The following MRM3 variants were observed in gnomAD, a reference collection of about 807,000 sequenced individuals.
MRM3 encodes the protein rRNA methyltransferase 3, mitochondrial.
In MRM3, 26 loss-of-function variants were observed where a neutral mutation model predicts 29.4. The observed-to-expected ratio is 0.89, with a 90% CI of 0.65 to 1.23. The LOEUF is 1.23. Among genes scored for constraint, MRM3 ranks in the 50% most tolerant of loss-of-function variants. MRM3 has a pLI of 0.00. For missense variants in MRM3, 578 were observed against 540.2 expected (o/e 1.07, Z -0.69); for synonymous variants, 225 against 219.0 (o/e 1.03, Z -0.24).
At chr17:790,356 A>G (rs1910732809) in intron 3 of MRM3, 2 of 155,096 alleles carry the variant, frequency 1.3e-5, no homozygotes, top group Admixed American at 6.5e-5. Context: ...TGATGAAACT[A>G]TAGATCTGAT....
intron 2 of MRM3, among the ~76,000 whole-genome samples, chr17:786,250 G>A (rs964923006): frequency 6.6e-6 from 1 of 152,144 alleles, no homozygotes; most frequent in Non-Finnish European, 1.5e-5. Context: ...ACAGGCATGC[G>A]CCACCATGCC....
rs773145335 is a variant in MRM3, at chr17:791,718, C to T, written c.912C>T (p.Asp304=). 6.2e-7 allele frequency: 1 copy of T among 1,614,054 alleles called. No individual in the cohort carries two copies. Among genetic ancestry groups the T allele is most frequent in the Non-Finnish European group, 8.5e-7 (1 of 1,180,052 alleles). ...AQAEMSNKAS[D]HGWVCDQRVM... ...CTGAGATGTCTAATAAAGCTAGTGA[C>T]CATGGCTGGGTGTGTGATCAACGAG... Residue 304 remains aspartate (D), a synonymous_variant, in exon 4 of 4, where the codon GAC becomes GAT. Coordinates refer to ENST00000304478, the MANE Select transcript of MRM3 (RefSeq NM_018146.4).
At chr17:784,068 T>A (rs989511777) in intron 2 of MRM3, among the ~76,000 whole-genome samples, 2 of 152,246 alleles carry the variant, frequency 1.3e-5, no homozygotes, top group African/African-American at 2.4e-5. Flanking sequence ...GAGAACCTTG[T>A]CTTCTAGTCT....
At chr17:782,820 G>T in intron 1 of MRM3, 128 bp downstream of exon 1, 2 of 1,014,834 alleles carry the variant, frequency 2.0e-6, no homozygotes, top group Non-Finnish European at 2.8e-6. Context: ...TGCACAGAGG[G>T]CCGAATAAGC....
chr17:792,052 G>T lies in MRM3; in HGVS notation c.1246G>T (p.Asp416Tyr), dbSNP rs1215652695. The T allele has an allele frequency of 1.2e-6, 2 of 1,604,982 alleles. No homozygotes were observed. Among genetic ancestry groups the T allele is most frequent in the African/African-American group, 1.3e-5 (1 of 74,814 alleles). Residue 416 changes from aspartate to tyrosine, a missense_variant, in exon 4 of 4, where the codon GAC (aspartate) becomes TAC (tyrosine). By Grantham distance (160) the Asp-to-Tyr change is radical. Transcript: ENST00000304478. ...GGGGAGGGCGGAGGACTTGAGCAGGGACAGGAGTTACCACTGAGGACGCAG... is the reference window on the plus strand; with the variant it reads ...GGGGAGGGCGGAGGACTTGAGCAGGTACAGGAGTTACCACTGAGGACGCAG... Reference protein sequence around the residue: ...LRGRAEDLSRDRSYH With the variant: ...LRGRAEDLSRYRSYH
At chr17:791,064 C>T (rs1038819183) in intron 3 of MRM3, among the ~76,000 whole-genome samples, 9 of 152,202 alleles carry the variant, frequency 5.9e-5, no homozygotes, top group African/African-American at 2.2e-4. Context: ...GCCACTCTCC[C>T]GCTTCCTCTC....
rs1408498823 is a variant in MRM3, at chr17:792,009, A to C, written c.1203A>C (p.Glu401Asp). Residue 401 changes from glutamate (E) to aspartate (D), a missense_variant, in exon 4 of 4, where the codon GAA becomes GAC. Physicochemically the swap from Glu to Asp is conservative, Grantham distance 45. Transcript: ENST00000304478. ...SAMAASILLF[E>D]GKRQLRGRAE... ...TGGCGGCAAGCATCCTGCTTTTCGA[A>C]GGGAAAAGACAGCTGCGGGGGAGGG... 2.0e-5 allele frequency: 32 copies of C among 1,613,742 alleles called. No homozygotes were observed. The highest frequency in any genetic ancestry group is 2.5e-5 in the Non-Finnish European group (29 of 1,180,008).
At chr17:784,588 A>C (rs887853637) in intron 2 of MRM3, among the ~76,000 whole-genome samples, 1 of 152,096 alleles carries the variant, frequency 6.6e-6, no homozygotes, top group Non-Finnish European at 1.5e-5. Context: ...TACAGTGGCC[A>C]ACCCATCTTG....
chr17:791,756 A>AC lies in MRM3; in HGVS notation c.951dup (p.Lys318GlnfsTer3). On this transcript the variant is annotated frameshift_variant, in exon 4 of 4. Coordinates refer to ENST00000304478, the MANE Select transcript of MRM3 (RefSeq NM_018146.4). LOFTEE classifies it high-confidence loss of function. ...TGTGATCAACGAGTGATGAAGTTTC[A>AC]CAAGTATGAGGAAGAGGAAGATGTA... 1.2e-6 allele frequency: 2 copies of AC among 1,614,208 alleles called. No homozygotes were observed. Among genetic ancestry groups the AC allele is most frequent in the Non-Finnish European group, 1.7e-6 (2 of 1,180,050 alleles).
chr17:782,519 G>A lies in MRM3; in HGVS notation c.141G>A (p.Val47=), dbSNP rs1910168361. Residue 47 remains valine (V), a synonymous_variant, in exon 1 of 4, where the codon GTG becomes GTA. Coordinates refer to ENST00000304478, the MANE Select transcript of MRM3 (RefSeq NM_018146.4). ...PVKVVFPSGE[V]VEQKRAPGKQ... is the part of the protein sequence containing the mutation. ...AAGTGGTGTTTCCTTCCGGAGAGGT[G>A]GTGGAACAGAAGCGCGCTCCTGGGA... The A allele has an allele frequency of 6.2e-7, 1 of 1,613,664 alleles. No individual in the cohort carries two copies. The highest frequency in any genetic ancestry group is 8.5e-7 in the Non-Finnish European group (1 of 1,179,600).
chr17:792,131 G>GTA lies in MRM3; in HGVS notation c.*62_*63insTA. 4.7e-6 allele frequency: 7 copies of GTA among 1,501,642 alleles called. No homozygotes were observed. The highest frequency in any genetic ancestry group is 6.3e-6 in the Non-Finnish European group (7 of 1,115,636). 93.0% of individuals were successfully genotyped at this position (1,501,642 alleles called of 1,614,324 possible). On this transcript the variant is annotated 3_prime_UTR_variant, in exon 4 of 4. Transcript: ENST00000304478. ...GCTCCTCCTACACCAGCACACTGGT[G>GTA]GGAGGCTGGCGGAGTCAGTGACTAT...
rs1335566042 is a variant in MRM3, at chr17:791,660, A to G, written c.854A>G (p.Tyr285Cys). The G allele has an allele frequency of 3.7e-6, 6 of 1,614,106 alleles. No homozygotes were observed. The highest frequency in any genetic ancestry group is 2.2e-5 in the South Asian group (2 of 91,092). Residue 285 changes from tyrosine (Y) to cysteine (C), a missense_variant, in exon 4 of 4, where the codon TAT becomes TGT. Transcript: ENST00000304478. ...PNYLPPDTRV[Y>C]VADNCGLYAQ... ...TACCTGCCCCCTGACACTCGGGTCT[A>G]TGTGGCTGACAACTGTGGCCTTTAT...
intron 2 of MRM3, among the ~76,000 whole-genome samples, chr17:784,744 C>T (rs966283189): frequency 6.6e-6 from 1 of 152,176 alleles, no homozygotes; most frequent in Non-Finnish European, 1.5e-5. Flanking sequence ...CAGAATCCAG[C>T]GACATAAGTA....
intron 2 of MRM3, 73 bp downstream of exon 2, chr17:783,400 G>T (rs1311228857): frequency 7.0e-7 from 1 of 1,438,128 alleles, no homozygotes; most frequent in African/African-American, 1.4e-5. Context: ...GCAATGGCGC[G>T]ATCTCGGCCC....
Position 782,574 on chromosome 17 carries a change from A to G in MRM3, c.196A>G (p.Ser66Gly). The change falls in exon 1 of 4, where the codon AGT becomes GGT. Residue 66 changes from serine to glycine, a missense_variant. Physicochemically the swap from Ser to Gly is moderately conservative, Grantham distance 56. Transcript: ENST00000304478. ...GCCCCGCAAGGCACCATCTGAGGCC[A>G]GTGCCCAGGAGCAACGAGAGAAACA... is the stretch of plus-strand genomic sequence containing the variant. The part of the protein sequence containing the change: ...KQPRKAPSEA[S>G]AQEQREKQPL... 1 of 1,614,088 alleles carries G rather than the reference A, an allele frequency of 6.2e-7. No homozygotes were observed. Among genetic ancestry groups the G allele is most frequent in the Non-Finnish European group, 8.5e-7 (1 of 1,179,982 alleles).
chr17:785,866 TA>T (rs1216555086), intron 2 of MRM3, among the ~76,000 whole-genome samples: 2 of 152,212 alleles, frequency 1.3e-5, no homozygotes, highest in African/African-American at 4.8e-5. Context: ...AACTATTTTT[TA>T]AAAGCCTACC....
chr17:782,897 A>G (rs1211593224), intron 1 of MRM3, among the ~76,000 whole-genome samples, 186 bp from the exon 2 acceptor site: 1 of 152,196 alleles, frequency 6.6e-6, no homozygotes, highest in Non-Finnish European at 1.5e-5. Context: ...CATGTTAGCC[A>G]GGCTGATCTG....
chr17:783,813 T>C (rs1359121782), intron 2 of MRM3, among the ~76,000 whole-genome samples: 2 of 152,260 alleles, frequency 1.3e-5, no homozygotes, highest in African/African-American at 2.4e-5. Flanking sequence ...ATCATTTGTG[T>C]TGTGGCTCTT....
intron 3 of MRM3, chr17:789,971 A>G (rs888615093): frequency 6.6e-6 from 1 of 152,186 alleles, no homozygotes; most frequent in African/African-American, 2.4e-5. Context: ...GCCTGGGCCT[A>G]TCTCTGGTTT....
Sources: allele counts gnomAD v4.1 joint callset (sites outside exome capture counted in the v4.1 genomes callset), GRCh38; gene constraint gnomAD v4.1.1; transcripts MANE v1.5; gene names NCBI Gene and HGNC (gene_info 2026-07-23, HGNC 2026-07-21).